MAP3K9: variants seen among roughly 807,000 people sequenced by gnomAD.
The protein encoded by MAP3K9 is mitogen-activated protein kinase kinase kinase 9.
MAP3K9 carries 46 observed loss-of-function variants against 95.8 expected under a neutral mutation model. The observed-to-expected ratio is 0.48, with a 90% CI of 0.38 to 0.61. The LOEUF is 0.61. MAP3K9 is among the 20% of genes least tolerant of loss of function. MAP3K9 has a pLI of 0.00. For synonymous variants in MAP3K9, 533 were observed against 593.8 expected (o/e 0.90, Z 1.49); for missense variants, 1,296 against 1,474.3 (o/e 0.88, Z 1.98).
intron 9 of MAP3K9, 125 bp downstream of exon 9, chr14:70,735,836 A>C (rs2053978312): frequency 1.3e-6 from 1 of 766,412 alleles, no homozygotes; most frequent in Non-Finnish European, 2.3e-6. Flanking sequence ...AAAAACAAAA[A>C]CAAAAAAGTC....
chr14:70,796,712 T>C (rs2054868367), intron 2 of MAP3K9, among the ~76,000 whole-genome samples: 1 of 152,116 alleles, frequency 6.6e-6, no homozygotes, highest in Non-Finnish European at 1.5e-5. Context: ...TGCTTCTGCT[T>C]CCCCTCATCC....
At chr14:70,789,101 A>C (rs2054779184) in intron 2 of MAP3K9, among the ~76,000 whole-genome samples, 1 of 152,238 alleles carries the variant, frequency 6.6e-6, no homozygotes, top group African/African-American at 2.4e-5. Context: ...AATCAAGCCA[A>C]AGGCTGTAAC....
At chr14:70,742,255 T>C (rs572601039) in intron 6 of MAP3K9, 96 bp downstream of exon 6, 9 of 1,489,698 alleles carry the variant, frequency 6.0e-6, no homozygotes, top group Admixed American at 3.9e-5. Context: ...CCCCAGGGTG[T>C]CATGTTTCCA....
chr14:70,754,632 C>T (rs1371275798), intron 3 of MAP3K9, among the ~76,000 whole-genome samples: 8 of 152,108 alleles, frequency 5.3e-5, no homozygotes, highest in South Asian at 2.1e-4. Flanking sequence ...GCACCATGCC[C>T]GGCTAATTTT....
chr14:70,750,524 G>A (rs1038748521), intron 3 of MAP3K9, among the ~76,000 whole-genome samples: 11 of 152,058 alleles, frequency 7.2e-5, no homozygotes, highest in African/African-American at 2.2e-4. Flanking sequence ...TCGCTCGGTT[G>A]CTCAGGCTGG....
At chr14:70,737,516 G>C (rs2054001406) in intron 8 of MAP3K9, among the ~76,000 whole-genome samples, 1 of 152,176 alleles carries the variant, frequency 6.6e-6, no homozygotes, top group Admixed American at 6.5e-5. Context: ...CCACGAGTGA[G>C]AACACAAGCA....
chr14:70,732,822 C>G lies in MAP3K9; in HGVS notation c.2547G>C (p.Leu849=). 6.2e-7 allele frequency: 1 copy of G among 1,614,040 alleles called. No individual in the cohort carries two copies. The highest frequency in any genetic ancestry group is 8.5e-7 in the Non-Finnish European group (1 of 1,179,968). The change falls in exon 11 of 12, where the codon CTG becomes CTC. Residue 849 remains leucine (L), a synonymous_variant. Coordinates refer to ENST00000554752, the MANE Select transcript of MAP3K9 (RefSeq NM_001284230.2). ...CAATTTCATCGCTGTCGGAGCGCAG[C>G]AGGGAGCGTGTGGAGTTGCACTCGG... ...SISECNSTRS[L]LRSDSDEIVV...
At position 70,761,100 on chromosome 14, in the gene MAP3K9, C is replaced by T. The variant is rs1490598202; in HGVS notation, c.903G>A (p.Trp301Ter). 2 of 1,613,984 alleles carry T rather than the reference C, an allele frequency of 1.2e-6. No homozygotes were observed. Among genetic ancestry groups the T allele is most frequent in the Non-Finnish European group, 1.7e-6 (2 of 1,180,010 alleles). Residue 301 changes from tryptophan to a stop codon, truncating the protein, a stop_gained, in exon 3 of 12, where the codon TGG becomes TGA. Coordinates refer to ENST00000554752, the MANE Select transcript of MAP3K9 (RefSeq NM_001284230.2). LOFTEE classifies it high-confidence loss of function. ...CCGCACTCATCTTGGTGGTTCGGTG[C>T]CATTCCCGAGCCAGGCCAAAATCAG... ...KITDFGLARE[W>*]HRTTKMSAAG... is the part of the protein sequence containing the mutation.
chr14:70,807,891 G>C (rs1018304007), intron 1 of MAP3K9, among the ~76,000 whole-genome samples: 1 of 152,186 alleles, frequency 6.6e-6, no homozygotes, highest in Non-Finnish European at 1.5e-5. Context: ...ACGGAAACCA[G>C]GACACTGGGA....
intron 6 of MAP3K9, among the ~76,000 whole-genome samples, chr14:70,741,160 C>T (rs1003521997): frequency 3.3e-5 from 5 of 152,064 alleles, no homozygotes; most frequent in East Asian, 1.9e-4. Flanking sequence ...GCGCAATCTC[C>T]GCTTACTGCA....
At chr14:70,760,892 C>G (rs2054364459) in intron 3 of MAP3K9, 110 bp downstream of exon 3, 5 of 1,186,424 alleles carry the variant, frequency 4.2e-6, no homozygotes, top group Non-Finnish European at 6.0e-6. Context: ...GTCACTTAGA[C>G]CTACTTCAGG....
chr14:70,798,221 T>G (rs1051173624), intron 2 of MAP3K9, among the ~76,000 whole-genome samples: 1 of 152,214 alleles, frequency 6.6e-6, no homozygotes, highest in Non-Finnish European at 1.5e-5. Flanking sequence ...AAAACGTGTA[T>G]GAAGAGCTTA....
intron 2 of MAP3K9, among the ~76,000 whole-genome samples, chr14:70,781,747 G>C (rs1238077763): frequency 6.6e-6 from 1 of 152,186 alleles, no homozygotes; most frequent in Non-Finnish European, 1.5e-5. Flanking sequence ...AGGAGGAAAT[G>C]GGCTCAGGGT....
intron 4 of MAP3K9, among the ~76,000 whole-genome samples, chr14:70,749,370 G>C (rs1393802737): frequency 6.6e-6 from 1 of 152,190 alleles, no homozygotes; most frequent in Non-Finnish European, 1.5e-5. Flanking sequence ...CTGGGCTTCA[G>C]TTTCCCATAA....
intron 2 of MAP3K9, among the ~76,000 whole-genome samples, chr14:70,783,807 C>T (rs1420960942): frequency 6.6e-6 from 1 of 152,228 alleles, no homozygotes; most frequent in African/African-American, 2.4e-5. Flanking sequence ...CCGCTCACCT[C>T]CCAGACTACA....
At chr14:70,789,561 AT>A (rs2054784653) in intron 2 of MAP3K9, among the ~76,000 whole-genome samples, 1 of 152,152 alleles carries the variant, frequency 6.6e-6, no homozygotes, top group African/African-American at 2.4e-5. Context: ...TACGGATGAG[AT>A]TTCCTGTGAC....
intron 10 of MAP3K9, 41 bp downstream of exon 10, chr14:70,734,345 G>T: frequency 7.1e-7 from 1 of 1,402,128 alleles, no homozygotes; most frequent in Non-Finnish European, 1.0e-6. Context: ...CCCCCAGGGA[G>T]CAGGGAGACA....
At chr14:70,793,036 A>G (rs2054823332) in intron 2 of MAP3K9, among the ~76,000 whole-genome samples, 2 of 152,236 alleles carry the variant, frequency 1.3e-5, no homozygotes, top group Admixed American at 1.3e-4. Flanking sequence ...AGCCAATCCA[A>G]CAATTCAACA....
chr14:70,758,816 G>A (rs956381842), intron 3 of MAP3K9, among the ~76,000 whole-genome samples: 1 of 151,360 alleles, frequency 6.6e-6, no homozygotes, highest in African/African-American at 2.4e-5. Flanking sequence ...AGGCTGGAGT[G>A]CAATGGCACA....
Sources: gnomAD v4.1 joint callset for allele counts (sites outside exome capture counted in the v4.1 genomes callset) on GRCh38, gnomAD v4.1.1 for gene constraint, MANE v1.5 for transcripts, NCBI Gene and HGNC (gene_info 2026-07-23, HGNC 2026-07-21) for gene names.